FBXL7: variants seen among roughly 807,000 people sequenced by gnomAD.
The protein encoded by FBXL7 is F-box and leucine rich repeat protein 7.
FBXL7 carries 12 observed loss-of-function variants against 38.3 expected under a neutral mutation model. The observed-to-expected ratio is 0.31, with a 90% CI of 0.20 to 0.51. The LOEUF (loss-of-function observed/expected upper bound fraction) is 0.51, where lower values mean the gene tolerates loss of function less well. Among genes scored for constraint, FBXL7 ranks in the 20% least tolerant of loss-of-function variants. The pLI is 0.98. For synonymous variants in FBXL7, 297 were observed against 300.9 expected, an observed-to-expected ratio of 0.99 and a Z score of 0.13; for missense variants, 567 against 676.4, an observed-to-expected ratio of 0.84 and a Z score of 1.79.
Position 15,500,580 on chromosome 5 carries a change from A to C in FBXL7, c.-97A>C. On this transcript the variant is annotated 5_prime_UTR_variant, in exon 1 of 4. It removes the in-frame stop codon of an upstream open reading frame in the 5' UTR. Transcript: ENST00000504595. ...GGAGCTTGGGGGGGATGTGCAGCTA[A>C]CGGTCCCGTCGGGCGGGCTTTCCTC... 1 of 1,553,140 alleles carries C rather than the reference A, an allele frequency of 6.4e-7. No homozygotes were observed. The highest frequency in any genetic ancestry group is 8.9e-7 in the Non-Finnish European group (1 of 1,125,028).
At chr5:15,667,414 T>G (rs1742316917) in intron 2 of FBXL7, among the ~76,000 whole-genome samples, 1 of 152,198 alleles carries the variant, frequency 6.6e-6, no homozygotes, top group South Asian at 2.1e-4. Context: ...AACTTCTTAC[T>G]TTTGGAAAAG....
intron 2 of FBXL7, among the ~76,000 whole-genome samples, chr5:15,871,973 G>C (rs1177835572): frequency 2.0e-5 from 3 of 152,074 alleles, no homozygotes; most frequent in Non-Finnish European, 4.4e-5. Flanking sequence ...GCAACTCCAA[G>C]ACACACAATC....
intron 2 of FBXL7, among the ~76,000 whole-genome samples, chr5:15,689,879 G>T (rs778027497): frequency 1.3e-5 from 2 of 152,142 alleles, no homozygotes; most frequent in African/African-American, 4.8e-5. Context: ...CAGAAATTTT[G>T]ATCTTCATAA....
chr5:15,512,622 A>G (rs967464208), intron 1 of FBXL7, among the ~76,000 whole-genome samples: 3 of 152,184 alleles, frequency 2.0e-5, no homozygotes, highest in Non-Finnish European at 2.9e-5. Flanking sequence ...CTTTATTTGT[A>G]TCAACATAAT....
intron 1 of FBXL7, among the ~76,000 whole-genome samples, chr5:15,574,646 A>G (rs1580379669): frequency 6.6e-6 from 1 of 152,306 alleles, no homozygotes; most frequent in African/African-American, 2.4e-5. Context: ...ATTTCACTCT[A>G]TGCTGGTATT....
chr5:15,548,230 A>G (rs2126417937), intron 1 of FBXL7, among the ~76,000 whole-genome samples: 1 of 152,278 alleles, frequency 6.6e-6, no homozygotes, highest in South Asian at 2.1e-4. Flanking sequence ...CATAGCTTTG[A>G]AGGGTGAAAC....
intron 2 of FBXL7, among the ~76,000 whole-genome samples, chr5:15,753,598 T>A (rs1736211509): frequency 6.6e-6 from 1 of 152,202 alleles, no homozygotes; most frequent in Non-Finnish European, 1.5e-5. Flanking sequence ...AGATCTACAT[T>A]GTATTGTTTT....
intron 1 of FBXL7, among the ~76,000 whole-genome samples, chr5:15,587,442 C>T (rs1218997116): frequency 6.6e-6 from 1 of 152,166 alleles, no homozygotes; most frequent in Non-Finnish European, 1.5e-5. Flanking sequence ...TCTCCAGGCA[C>T]CAGGCAGGAT....
At chr5:15,881,127 G>A (rs756496915) in intron 2 of FBXL7, among the ~76,000 whole-genome samples, 35 of 152,014 alleles carry the variant, frequency 2.3e-4, no homozygotes, top group Admixed American at 1.7e-3. Flanking sequence ...AGATTTTGGT[G>A]CACCCATCAC....
chr5:15,500,518 G>A lies in FBXL7; in HGVS notation c.-159G>A. ...AGGGGACGCAGCACCCCCTCCCACT[G>A]GAGTGCGGGGACCTCTCCAGGCCGG... On this transcript the variant is annotated 5_prime_UTR_variant, in exon 1 of 4. Transcript: ENST00000504595. 3.2e-6 allele frequency: 3 copies of A among 949,606 alleles called. No homozygotes were observed. In the South Asian group the frequency reaches 3.9e-5, roughly 12 times the overall value. The allele number at this position is 949,606 out of a possible 1,614,324, so 58.8% of individuals were successfully genotyped here. A position where few individuals can be genotyped will look rare whatever the true frequency, so the allele number is the denominator to read the frequency against.
chr5:15,903,099 A>C (rs1741270076), intron 2 of FBXL7, among the ~76,000 whole-genome samples: 1 of 152,236 alleles, frequency 6.6e-6, no homozygotes, highest in South Asian at 2.1e-4. Flanking sequence ...AAATGACTAC[A>C]TTGAGGGGTA....
At chr5:15,882,836 A>C (rs1213416324) in intron 2 of FBXL7, among the ~76,000 whole-genome samples, 1 of 152,172 alleles carries the variant, frequency 6.6e-6, no homozygotes, top group African/African-American at 2.4e-5. Flanking sequence ...TCACCCGATG[A>C]GATAGTTCTT....
intron 2 of FBXL7, among the ~76,000 whole-genome samples, chr5:15,925,390 A>T (rs1473941068): frequency 6.6e-6 from 1 of 152,228 alleles, no homozygotes; most frequent in African/African-American, 2.4e-5. Flanking sequence ...GCAGCACATA[A>T]TTCAAAGATG....
rs553428013 is a variant in FBXL7, at chr5:15,513,913, G to GT, written c.37+13208dup. 2.2e-3 allele frequency among the ~76,000 whole-genome samples: 332 copies of GT among 151,632 alleles called. 1 individual carries two copies. Among genetic ancestry groups the GT allele is most frequent in the Non-Finnish European group, 4.1e-3 (277 of 67,872 alleles). ...ATTATATTTTAATACTTTTCTCTCT[G>GT]TTTTTTTTCTCTCTCTTGAAAGACC... On this transcript the variant is annotated intron_variant, in intron 1 of 3. Transcript: ENST00000504595.
intron 1 of FBXL7, among the ~76,000 whole-genome samples, chr5:15,567,225 T>C (rs1300305015): frequency 6.6e-6 from 1 of 152,162 alleles, no homozygotes; most frequent in Non-Finnish European, 1.5e-5. Context: ...GGCCCCTGTT[T>C]CCTGATGTGT....
rs145173160 is a variant in FBXL7, at chr5:15,530,889, C to T, written c.37+30176C>T. 6.3e-3 allele frequency among the ~76,000 whole-genome samples: 958 copies of T among 152,302 alleles called. 5 individuals are homozygous for T. The highest frequency in any genetic ancestry group is 0.031 in the Middle Eastern group (9 of 294). On this transcript the variant is annotated intron_variant, in intron 1 of 3. Transcript: ENST00000504595. ...GTCTGTCATGCAGCCATGTAACACC[C>T]GTAGAACTGATCTTAGCTTCTTAGA...
At chr5:15,583,835 G>T (rs1205515435) in intron 1 of FBXL7, among the ~76,000 whole-genome samples, 1 of 152,142 alleles carries the variant, frequency 6.6e-6, no homozygotes, top group African/African-American at 2.4e-5. Context: ...TCTGTGTGGG[G>T]GTTCTGACTC....
rs1353499129 is a variant in FBXL7, at chr5:15,615,938, C to G, written c.38-45C>G. 4.3e-6 allele frequency: 6 copies of G among 1,382,320 alleles called. No homozygotes were observed. The African/African-American group carries it at 7.1e-5, about 16-fold the overall frequency. 85.6% of individuals were successfully genotyped at this position (1,382,320 alleles called of 1,614,324 possible). A position where few individuals can be genotyped will look rare whatever the true frequency, so the allele number is the denominator to read the frequency against. ...ACCGAGTGGAAGGCATGGTCCAGGT[C>G]TGAAATTACAAATCTCAAAAGCTGC... On this transcript the variant is annotated intron_variant, in intron 1 of 3. Coordinates refer to ENST00000504595, the MANE Select transcript of FBXL7 (RefSeq NM_012304.5).
chr5:15,647,236 A>G (rs984214498), intron 2 of FBXL7, among the ~76,000 whole-genome samples: 1 of 152,240 alleles, frequency 6.6e-6, no homozygotes, highest in South Asian at 2.1e-4. Flanking sequence ...ACAAATTCTT[A>G]TGGTTTAAAT....
Sources: gnomAD v4.1 joint callset for allele counts (sites outside exome capture counted in the v4.1 genomes callset) on GRCh38, gnomAD v4.1.1 for gene constraint, MANE v1.5 for transcripts, NCBI Gene and HGNC (gene_info 2026-07-23, HGNC 2026-07-21) for gene names.